AFF2: variants seen among roughly 807,000 people sequenced by gnomAD.
The protein encoded by AFF2 is ALF transcription elongation factor 2.
Under a neutral mutation model 76.9 loss-of-function variants are expected in AFF2, and 14 were observed. That is an observed-to-expected ratio of 0.18 (90% CI 0.12 to 0.28). AFF2 has a LOEUF of 0.28. AFF2 is among the 10% of genes least tolerant of loss of function. The pLI, the probability that AFF2 is intolerant of heterozygous loss-of-function variation, is 1.00. For synonymous variants in AFF2, 398 were observed against 366.7 expected, an observed-to-expected ratio of 1.09 and a Z score of -0.98; for missense variants, 868 against 1,001.1, an observed-to-expected ratio of 0.87 and a Z score of 1.79.
chrX:148,875,346 A>C (rs1466101954), intron 7 of AFF2, among the ~76,000 whole-genome samples: 1 of 112,250 alleles, frequency 8.9e-6, no homozygotes, highest in African/African-American at 3.2e-5. Flanking sequence ...ATAATTTATG[A>C]ACCATGGAAA....
chrX:148,673,026 A>G (rs1215364016), intron 3 of AFF2, among the ~76,000 whole-genome samples: 1 of 111,979 alleles, frequency 8.9e-6, no homozygotes, highest in Non-Finnish European at 1.9e-5. Flanking sequence ...ACTGTCTAGG[A>G]TCATCAAATT....
chrX:148,503,647 T>C (rs1224321849), intron 1 of AFF2, among the ~76,000 whole-genome samples: 1 of 112,433 alleles, frequency 8.9e-6, no homozygotes, highest in Non-Finnish European at 1.9e-5. Context: ...TACACAGGCA[T>C]ATGTGTTATT....
At chrX:148,858,571 TGTATA>T (rs1254020554) in intron 7 of AFF2, among the ~76,000 whole-genome samples, 2 of 111,362 alleles carry the variant, frequency 1.8e-5, no homozygotes, top group Non-Finnish European at 3.8e-5. Flanking sequence ...GATGCTTACT[TGTATA>T]GGATAAAAAA....
At chrX:148,700,415 T>C (rs1363677899) in intron 3 of AFF2, among the ~76,000 whole-genome samples, 1 of 77,384 alleles carries the variant, frequency 1.3e-5, no homozygotes, top group Non-Finnish European at 2.5e-5. Context: ...GGGAGTACTG[T>C]TGAAGTGTGT....
At chrX:148,805,786 C>A (rs1462211769) in intron 3 of AFF2, among the ~76,000 whole-genome samples, 2 of 112,476 alleles carry the variant, frequency 1.8e-5, no homozygotes, top group African/African-American at 3.2e-5. Flanking sequence ...AGGGTAGGCA[C>A]TTGTGAGGGT....
At chrX:148,712,473 A>G (rs1043775321) in intron 3 of AFF2, among the ~76,000 whole-genome samples, 4 of 112,058 alleles carry the variant, frequency 3.6e-5, no homozygotes, top group Admixed American at 9.5e-5. Flanking sequence ...AAATTTTAAA[A>G]GATCACACAG....
chrX:148,744,069 A>G (rs2055393059), intron 3 of AFF2, among the ~76,000 whole-genome samples: 1 of 111,168 alleles, frequency 9.0e-6, no homozygotes, highest in African/African-American at 3.3e-5. Context: ...TTTACGTTAT[A>G]TGCCGAAAGA....
intron 3 of AFF2, among the ~76,000 whole-genome samples, chrX:148,708,451 C>T (rs926302521): frequency 9.0e-6 from 1 of 111,591 alleles, no homozygotes; most frequent in Non-Finnish European, 1.9e-5. Flanking sequence ...ATATAAGCAA[C>T]AAAAAAATCC....
chrX:148,754,439 T>C (rs2055537314), intron 3 of AFF2, among the ~76,000 whole-genome samples: 1 of 110,419 alleles, frequency 9.1e-6, no homozygotes, highest in Non-Finnish European at 1.9e-5. Context: ...TTCCCGTCAA[T>C]ACATTTCCCT....
At chrX:148,970,637 GC>G (rs2072238204) in intron 15 of AFF2, among the ~76,000 whole-genome samples, 1 of 111,515 alleles carries the variant, frequency 9.0e-6, no homozygotes, top group South Asian at 3.7e-4. Context: ...CATTATCAGG[GC>G]TAAAACCTTT....
At chrX:148,850,669 T>A (rs782175378) in intron 7 of AFF2, among the ~76,000 whole-genome samples, 1 of 112,618 alleles carries the variant, frequency 8.9e-6, no homozygotes, top group Non-Finnish European at 1.9e-5. Context: ...TCAGAGATAC[T>A]TTTCATGTGC....
At chrX:148,625,855 C>A (rs1557252000) in intron 1 of AFF2, among the ~76,000 whole-genome samples, 1 of 111,357 alleles carries the variant, frequency 9.0e-6, no homozygotes, top group African/African-American at 3.3e-5. Context: ...GAGCTGATGA[C>A]CCACAGCCAA....
intron 3 of AFF2, among the ~76,000 whole-genome samples, chrX:148,759,236 G>A (rs1320535446): frequency 8.9e-6 from 1 of 112,089 alleles, no homozygotes; most frequent in African/African-American, 3.2e-5. Context: ...TGGAATTTGA[G>A]AGAATCTTTA....
intron 3 of AFF2, among the ~76,000 whole-genome samples, chrX:148,767,178 G>A (rs2069529612): frequency 9.1e-6 from 1 of 109,908 alleles, no homozygotes; most frequent in Middle Eastern, 4.7e-3. Context: ...CATGGAAGAG[G>A]GAAAGGATTT....
At chrX:148,606,272 G>A (rs782417039) in intron 1 of AFF2, among the ~76,000 whole-genome samples, 4 of 112,168 alleles carry the variant, frequency 3.6e-5, no homozygotes, top group African/African-American at 9.7e-5. Flanking sequence ...ACAACTAAAT[G>A]CAATGTAGAA....
At chrX:148,685,835 G>A (rs34993625) in intron 3 of AFF2, among the ~76,000 whole-genome samples, 29,501 of 108,713 alleles carry the variant, frequency 0.27, 5,214 homozygotes, top group African/African-American at 0.6. Context: ...AATTTTCAGG[G>A]CTTTGACATA....
intron 7 of AFF2, among the ~76,000 whole-genome samples, chrX:148,862,773 C>T (rs1944023489): frequency 8.9e-6 from 1 of 112,135 alleles, no homozygotes; most frequent in Non-Finnish European, 1.9e-5. Context: ...ATTTTAATTA[C>T]TTTATTGACT....
At chrX:148,799,242 GCC>G (rs1557270756) in intron 3 of AFF2, among the ~76,000 whole-genome samples, 1 of 111,844 alleles carries the variant, frequency 8.9e-6, no homozygotes, top group East Asian at 2.8e-4. Flanking sequence ...AGGTAACAAA[GCC>G]AGGTCACTTA....
At chrX:148,537,578 T>C (rs1452069058) in intron 1 of AFF2, among the ~76,000 whole-genome samples, 1 of 110,108 alleles carries the variant, frequency 9.1e-6, no homozygotes, top group Admixed American at 9.7e-5. Context: ...AATGCTTATA[T>C]AATTGGAGCC....
Sources: allele counts gnomAD v4.1 joint callset (sites outside exome capture counted in the v4.1 genomes callset), GRCh38; gene constraint gnomAD v4.1.1; transcripts MANE v1.5; gene names NCBI Gene and HGNC (gene_info 2026-07-23, HGNC 2026-07-21).